XKR4: variants seen among roughly 807,000 people sequenced by gnomAD.
The protein encoded by XKR4 is XK related 4.
In XKR4, 12 loss-of-function variants were observed where a neutral mutation model predicts 53.9. The ratio of observed to expected loss-of-function variants is 0.22; its 90% confidence interval spans 0.14 to 0.36. XKR4 has a LOEUF of 0.36. Among genes scored for constraint, XKR4 ranks in the 10% least tolerant of loss-of-function variants. The pLI is 1.00. For synonymous variants in XKR4, 354 were observed against 362.4 expected, an observed-to-expected ratio of 0.98 and a Z score of 0.26; for missense variants, 799 against 859.5, an observed-to-expected ratio of 0.93 and a Z score of 0.88.
At chr8:55,158,751 G>A (rs1268439602) in intron 1 of XKR4, among the ~76,000 whole-genome samples, 8 of 151,992 alleles carry the variant, frequency 5.3e-5, no homozygotes, top group Non-Finnish European at 1.0e-4. Context: ...TTTCCACATT[G>A]CTTGTTTTTG....
Position 55,163,831 on chromosome 8 carries a change from C to A in XKR4, c.806+60537C>A, listed in dbSNP as rs544477274. Among the ~76,000 whole-genome samples the A allele has an allele frequency of 4.6e-5, 7 of 152,188 alleles. No individual in the cohort carries two copies. The East Asian group carries it at 1.4e-3, about 29-fold the overall frequency. ...CTGCACTCCAGCCTGGGCAATAGAA[C>A]AAGACTCCGTCTCAAAAATAAATCA... On this transcript the variant is annotated intron_variant, in intron 1 of 2. Coordinates refer to ENST00000327381, the MANE Select transcript of XKR4 (RefSeq NM_052898.2).
intron 1 of XKR4, among the ~76,000 whole-genome samples, chr8:55,296,600 T>G (rs545789212): frequency 1.5e-3 from 235 of 152,222 alleles, no homozygotes; most frequent in Middle Eastern, 0.01. Flanking sequence ...CCAATTCCAG[T>G]GCAAATTTAG....
At chr8:55,166,613 A>G (rs994681974) in intron 1 of XKR4, among the ~76,000 whole-genome samples, 5 of 152,238 alleles carry the variant, frequency 3.3e-5, no homozygotes, top group Admixed American at 2.6e-4. Flanking sequence ...AAGAAAAAAT[A>G]AAGCAGAGAG....
intron 1 of XKR4, among the ~76,000 whole-genome samples, chr8:55,320,838 C>T (rs1195956763): frequency 2.6e-5 from 4 of 152,222 alleles, no homozygotes; most frequent in Middle Eastern, 3.4e-3. Flanking sequence ...GAAACTACGA[C>T]AGAAGGCTTC....
At chr8:55,279,438 T>G (rs1818806625) in intron 1 of XKR4, among the ~76,000 whole-genome samples, 1 of 152,202 alleles carries the variant, frequency 6.6e-6, no homozygotes, top group South Asian at 2.1e-4. Flanking sequence ...CTTGCATTGC[T>G]CCAACTGCGA....
At chr8:55,218,448 A>G (rs1817835394) in intron 1 of XKR4, among the ~76,000 whole-genome samples, 1 of 152,238 alleles carries the variant, frequency 6.6e-6, no homozygotes, top group African/African-American at 2.4e-5. Flanking sequence ...AGAGACTGAG[A>G]TACTGTCTAA....
intron 1 of XKR4, chr8:55,142,105 C>G: frequency 2.2e-6 from 1 of 456,090 alleles, no homozygotes; most frequent in Non-Finnish European, 4.4e-6. Context: ...GGAGTCTTAA[C>G]TATTCTCTCC....
intron 2 of XKR4, among the ~76,000 whole-genome samples, chr8:55,391,407 A>G (rs1563339086): frequency 6.6e-6 from 1 of 152,252 alleles, no homozygotes; most frequent in Non-Finnish European, 1.5e-5. Flanking sequence ...ATAGCTACAC[A>G]GTGGAGCATA....
intron 2 of XKR4, among the ~76,000 whole-genome samples, chr8:55,512,613 C>T (rs1018347367): frequency 1.3e-5 from 2 of 152,134 alleles, no homozygotes; most frequent in Admixed American, 6.5e-5. Flanking sequence ...CTCTAGGGAA[C>T]GATGTTTGTG....
intron 1 of XKR4, among the ~76,000 whole-genome samples, chr8:55,287,132 G>T (rs1355419418): frequency 9.8e-4 from 5 of 5,104 alleles, no homozygotes; most frequent in African/African-American, 1.2e-3. Flanking sequence ...ATTATTGGGT[G>T]GGGGGGGGGA....
intron 1 of XKR4, among the ~76,000 whole-genome samples, chr8:55,266,609 A>G (rs1585976707): frequency 6.6e-6 from 1 of 152,288 alleles, no homozygotes; most frequent in African/African-American, 2.4e-5. Context: ...ATGTACATGG[A>G]GAGGGAGGGA....
chr8:55,446,788 T>G (rs1056834773), intron 2 of XKR4, among the ~76,000 whole-genome samples: 22 of 152,228 alleles, frequency 1.4e-4, no homozygotes, highest in African/African-American at 5.1e-4. Flanking sequence ...TGCCAGGCAG[T>G]ATCTTCTGAA....
At chr8:55,456,689 A>T (rs749270109) in intron 2 of XKR4, among the ~76,000 whole-genome samples, 1 of 152,218 alleles carries the variant, frequency 6.6e-6, no homozygotes, top group Non-Finnish European at 1.5e-5. Flanking sequence ...GGGGAGAAAG[A>T]AGCAGTAAAC....
At chr8:55,400,758 A>G (rs1804587455) in intron 2 of XKR4, among the ~76,000 whole-genome samples, 1 of 152,228 alleles carries the variant, frequency 6.6e-6, no homozygotes, top group African/African-American at 2.4e-5. Flanking sequence ...AGATATGTTC[A>G]CAGACTGCTT....
At chr8:55,394,613 T>A (rs1410919913) in intron 2 of XKR4, among the ~76,000 whole-genome samples, 1 of 152,208 alleles carries the variant, frequency 6.6e-6, no homozygotes, top group African/African-American at 2.4e-5. Flanking sequence ...ATCTTTCACT[T>A]CCTCTTTGGC....
chr8:55,263,630 C>T (rs543789412), intron 1 of XKR4, among the ~76,000 whole-genome samples: 57 of 152,300 alleles, frequency 3.7e-4, no homozygotes, highest in Non-Finnish European at 5.7e-4. Context: ...AAACAGTTTA[C>T]AAATATTCTC....
At chr8:55,455,088 G>T (rs554551577) in intron 2 of XKR4, 1 of 679,220 alleles carries the variant, frequency 1.5e-6, no homozygotes, top group East Asian at 2.7e-5. Flanking sequence ...CCACTCCCGC[G>T]CGGGTGCGGC....
chr8:55,300,353 C>G (rs1339117277), intron 1 of XKR4, among the ~76,000 whole-genome samples: 1 of 152,058 alleles, frequency 6.6e-6, no homozygotes, highest in East Asian at 1.9e-4. Flanking sequence ...TTATAAACAG[C>G]AGGTGGAAAT....
At chr8:55,424,401 C>T (rs77972110) in intron 2 of XKR4, among the ~76,000 whole-genome samples, 6,391 of 152,262 alleles carry the variant, frequency 0.042, 421 homozygotes, top group African/African-American at 0.14. Flanking sequence ...AGTCTATTCA[C>T]GCAATGATTC....
Sources: allele counts gnomAD v4.1 joint callset (sites outside exome capture counted in the v4.1 genomes callset), GRCh38; gene constraint gnomAD v4.1.1; transcripts MANE v1.5; gene names NCBI Gene and HGNC (gene_info 2026-07-23, HGNC 2026-07-21).